SLC8A1: variants seen among roughly 807,000 people sequenced by gnomAD.
The protein encoded by SLC8A1 is sodium/calcium exchanger 1.
SLC8A1 carries 18 observed loss-of-function variants against 68.3 expected under a neutral mutation model. That is an observed-to-expected ratio of 0.26 (90% CI 0.18 to 0.39). The LOEUF (loss-of-function observed/expected upper bound fraction) is 0.39, where lower values mean the gene tolerates loss of function less well. Ranked by LOEUF, SLC8A1 falls within the 10% of genes least tolerant of loss-of-function variation. The pLI, the probability that SLC8A1 is intolerant of heterozygous loss-of-function variation, is 1.00. For missense variants in SLC8A1, 985 were observed against 1,156.7 expected (o/e 0.85, Z 2.15); for synonymous variants, 475 against 415.5 (o/e 1.14, Z -1.74).
intron 7 of SLC8A1, among the ~76,000 whole-genome samples, chr2:40,135,847 G>GT (rs764455013): frequency 2.0e-5 from 3 of 152,208 alleles, no homozygotes; most frequent in Non-Finnish European, 4.4e-5. Flanking sequence ...TGTGGAAAGA[G>GT]TAGGTTTGGT....
At chr2:40,302,715 C>A (rs192550148) in intron 2 of SLC8A1, among the ~76,000 whole-genome samples, 7 of 151,938 alleles carry the variant, frequency 4.6e-5, no homozygotes, top group Non-Finnish European at 7.4e-5. Flanking sequence ...GTGCAAGTAT[C>A]TTTTTTCTGT....
At chr2:40,381,766 G>T (rs762003342) in intron 2 of SLC8A1, among the ~76,000 whole-genome samples, 6 of 151,170 alleles carry the variant, frequency 4.0e-5, no homozygotes, top group Non-Finnish European at 7.4e-5. Context: ...CTCCTAGATA[G>T]TATCAAGGAA....
At chr2:40,202,666 A>G (rs901027907) in intron 2 of SLC8A1, among the ~76,000 whole-genome samples, 1 of 152,050 alleles carries the variant, frequency 6.6e-6, no homozygotes, top group African/African-American at 2.4e-5. Flanking sequence ...ACAGCATAAC[A>G]TTAGCAAAGT....
intron 2 of SLC8A1, among the ~76,000 whole-genome samples, chr2:40,184,908 A>C (rs2050395174): frequency 1.3e-5 from 2 of 151,396 alleles, no homozygotes; most frequent in African/African-American, 4.8e-5. Flanking sequence ...CAAAAAAAAA[A>C]AAAAAAAAAA....
chr2:40,310,174 G>A (rs1400309402), intron 2 of SLC8A1, among the ~76,000 whole-genome samples: 1 of 152,200 alleles, frequency 6.6e-6, no homozygotes, highest in African/African-American at 2.4e-5. Context: ...AAGGTAATGA[G>A]GTGTTGAAGC....
intron 2 of SLC8A1, among the ~76,000 whole-genome samples, chr2:40,363,512 A>G (rs1458945100): frequency 6.6e-6 from 1 of 152,146 alleles, no homozygotes; most frequent in Non-Finnish European, 1.5e-5. Flanking sequence ...GGCACATGGT[A>G]AATGATTAAA....
intron 2 of SLC8A1, among the ~76,000 whole-genome samples, chr2:40,330,968 C>G (rs1192558960): frequency 1.3e-5 from 2 of 152,124 alleles, no homozygotes; most frequent in East Asian, 3.9e-4. Context: ...AAAAACGTCT[C>G]AAAAGACAAT....
chr2:40,100,328 G>T (rs1220893975), exon 8 of SLC8A1: 1 of 152,076 alleles, frequency 6.6e-6, no homozygotes, highest in Non-Finnish European at 1.5e-5. Context: ...GTAGACAAAG[G>T]CAAGTCCCCA....
intron 2 of SLC8A1, among the ~76,000 whole-genome samples, chr2:40,222,652 C>G (rs985470657): frequency 3.3e-5 from 5 of 152,048 alleles, no homozygotes; most frequent in Admixed American, 3.3e-4. Context: ...CCAGAATCTA[C>G]AAAGAACTTT....
At chr2:40,455,088 T>A (rs1342063620), upstream of SLC8A1, among the ~76,000 whole-genome samples, 1 of 152,204 alleles carries the variant, frequency 6.6e-6, no homozygotes, top group Non-Finnish European at 1.5e-5. Context: ...TTCAGGGGAC[T>A]CCACAGGGAT....
At chr2:40,245,038 CTA>C (rs2061678754) in intron 2 of SLC8A1, among the ~76,000 whole-genome samples, 1 of 152,152 alleles carries the variant, frequency 6.6e-6, no homozygotes, top group South Asian at 2.1e-4. Context: ...ACATAAATGG[CTA>C]TGTTAAAAAT....
At chr2:40,262,576 A>G (rs747509567) in intron 2 of SLC8A1, among the ~76,000 whole-genome samples, 1 of 152,202 alleles carries the variant, frequency 6.6e-6, no homozygotes, top group Non-Finnish European at 1.5e-5. Context: ...ATATAGAAAC[A>G]CTAACTCTGT....
In SLC8A1 at chr2:40,426,432, A is replaced by G. The variant is rs1696868102; in HGVS notation, c.1808+2041T>C. On this transcript the variant is annotated intron_variant, in intron 2 of 7. Coordinates refer to ENST00000406785, the Ensembl canonical transcript of SLC8A1. ...GCAATATTCCTTCCAATTTAATTGC[A>G]TAGGATGAATGTTTTAAATGGAACT... Among the ~76,000 whole-genome samples, 3 of 152,066 alleles carry G rather than the reference A, an allele frequency of 2.0e-5. No homozygotes were observed. The South Asian group carries it at 6.2e-4, about 31-fold the overall frequency.
chr2:40,218,379 A>G (rs2057808420), intron 2 of SLC8A1, among the ~76,000 whole-genome samples: 1 of 152,236 alleles, frequency 6.6e-6, no homozygotes, highest in Non-Finnish European at 1.5e-5. Context: ...GCAGCTAGAA[A>G]GACTGTTTCT....
intron 1 of SLC8A1, among the ~76,000 whole-genome samples, chr2:40,431,977 GT>G (rs1356051097): frequency 6.6e-6 from 1 of 152,106 alleles, no homozygotes; most frequent in African/African-American, 2.4e-5. Context: ...TCAGAGGAGG[GT>G]TATAGCAGTA....
intron 2 of SLC8A1, among the ~76,000 whole-genome samples, chr2:40,282,859 C>T (rs891385418): frequency 6.6e-6 from 1 of 152,128 alleles, no homozygotes; most frequent in African/African-American, 2.4e-5. Flanking sequence ...TTCTTCCCAT[C>T]CCATACCCCG....
chr2:40,304,768 G>A (rs1308232363), intron 2 of SLC8A1, among the ~76,000 whole-genome samples: 1 of 152,064 alleles, frequency 6.6e-6, no homozygotes, highest in Admixed American at 6.6e-5. Context: ...GTTTGCAACT[G>A]GGGCTCTGAG....
At chr2:40,116,527 T>C (rs1011843696) in intron 7 of SLC8A1, among the ~76,000 whole-genome samples, 24 of 150,844 alleles carry the variant, frequency 1.6e-4, no homozygotes, top group Non-Finnish European at 3.0e-4. Context: ...GTGATCTCAC[T>C]GTTCAATTCC....
At chr2:40,361,719 G>A (rs934074078) in intron 2 of SLC8A1, among the ~76,000 whole-genome samples, 1 of 151,792 alleles carries the variant, frequency 6.6e-6, no homozygotes, top group South Asian at 2.1e-4. Context: ...TAGACCAAAT[G>A]CCCTATATGG....
Sources: gnomAD v4.1 joint callset for allele counts (sites outside exome capture counted in the v4.1 genomes callset) on GRCh38, gnomAD v4.1.1 for gene constraint, MANE v1.5 for transcripts, NCBI Gene and HGNC (gene_info 2026-07-23, HGNC 2026-07-21) for gene names.